Variants in SUGP1 observed in about 807,000 individuals in gnomAD.
SUGP1 encodes the protein SURP and G-patch domain-containing protein 1.
In SUGP1, 34 loss-of-function variants were observed where a neutral mutation model predicts 76.5. That is an observed-to-expected ratio of 0.44 (90% CI 0.34 to 0.59). The LOEUF (loss-of-function observed/expected upper bound fraction) is 0.59, where lower values mean the gene tolerates loss of function less well. Among genes scored for constraint, SUGP1 ranks in the 20% least tolerant of loss-of-function variants. SUGP1 has a pLI of 0.01. For synonymous variants in SUGP1, 326 were observed against 326.2 expected (o/e 1.00, Z 0.01); for missense variants, 752 against 851.7 (o/e 0.88, Z 1.46).
Position 19,310,108 on chromosome 19 carries a change from T to C in SUGP1, c.299A>G (p.Gln100Arg), listed in dbSNP as rs2061343403. ...LQQFLKLQKA[Q>R]TSTDAPTSAP... ...AGGCCTACACTCACCTGTGCTGGTC[T>C]GTGCCTTCTGCAACTTCAGAAACTG... The change falls in exon 3 of 14, where the codon CAG (glutamine) becomes CGG (arginine). Residue 100 changes from glutamine (Q) to arginine (R), a missense_variant. By Grantham distance (43) the Gln-to-Arg change is conservative. This residue lies in a region of SUGP1 where 620 missense variants were observed against 617.3 expected (regional missense o/e 1.00). Coordinates refer to ENST00000247001, the MANE Select transcript of SUGP1 (RefSeq NM_172231.4). 6.2e-7 allele frequency: 1 copy of C among 1,613,156 alleles called. No homozygotes were observed. The highest frequency in any genetic ancestry group is 8.5e-7 in the Non-Finnish European group (1 of 1,179,428).
chr19:19,313,877 C>A (rs1475048911), intron 2 of SUGP1, among the ~76,000 whole-genome samples: 1 of 151,936 alleles, frequency 6.6e-6, no homozygotes, highest in African/African-American at 2.4e-5. Flanking sequence ...GAGACTTATG[C>A]CTGTAATCCT....
chr19:19,292,491 C>T (rs1487334731), intron 8 of SUGP1, among the ~76,000 whole-genome samples: 2 of 151,854 alleles, frequency 1.3e-5, no homozygotes, highest in Non-Finnish European at 2.9e-5. Context: ...CACTTGAGGC[C>T]AGGAGTTCAA....
chr19:19,298,008 C>T (rs988621219), intron 7 of SUGP1, among the ~76,000 whole-genome samples: 1 of 152,202 alleles, frequency 6.6e-6, no homozygotes, highest in Non-Finnish European at 1.5e-5. Flanking sequence ...GGGGTCTATG[C>T]CAAAAGGGAG....
intron 2 of SUGP1, among the ~76,000 whole-genome samples, chr19:19,311,984 C>CA (rs2061356426): frequency 2.0e-5 from 3 of 150,784 alleles, no homozygotes; most frequent in Admixed American, 6.6e-5. Context: ...TTTCTTAAAA[C>CA]AAAAAAAAGT....
intron 12 of SUGP1, 50 bp from the exon 13 acceptor site, chr19:19,277,126 C>CG (rs2061056835): frequency 1.3e-6 from 2 of 1,565,072 alleles, no homozygotes; most frequent in Non-Finnish European, 8.6e-7. Context: ...GAACTCTGGC[C>CG]GGGGGGCCGG....
At chr19:19,307,911 C>T (rs962349667) in intron 3 of SUGP1, among the ~76,000 whole-genome samples, 1 of 152,190 alleles carries the variant, frequency 6.6e-6, no homozygotes, top group African/African-American at 2.4e-5. Context: ...GAGGTCCACC[C>T]GCCTCGGCCT....
At chr19:19,312,422 C>G (rs1393801038) in intron 2 of SUGP1, among the ~76,000 whole-genome samples, 3 of 152,208 alleles carry the variant, frequency 2.0e-5, no homozygotes, top group Non-Finnish European at 4.4e-5. Context: ...CATCCTGCTC[C>G]AATCTCAAAT....
At chr19:19,298,563 T>A (rs370758033) in intron 7 of SUGP1, among the ~76,000 whole-genome samples, 2 of 152,186 alleles carry the variant, frequency 1.3e-5, no homozygotes, top group African/African-American at 4.8e-5. Flanking sequence ...TGAGCCTGTG[T>A]GTCTACGGCC....
chr19:19,280,665 C>T (rs1172529643), intron 8 of SUGP1: 5 of 218,658 alleles, frequency 2.3e-5, no homozygotes, highest in East Asian at 1.1e-4. Flanking sequence ...CATGCATGGG[C>T]GCACGCACAA....
At chr19:19,303,664 G>A (rs576005836) in intron 5 of SUGP1, 60 bp downstream of exon 5, 32 of 1,593,966 alleles carry the variant, frequency 2.0e-5, no homozygotes, top group South Asian at 3.3e-5. Context: ...AGCCCCACAC[G>A]TGCGACTGTG....
chr19:19,279,994 G>A (rs563580834), intron 9 of SUGP1, among the ~76,000 whole-genome samples, 191 bp downstream of exon 9: 1 of 152,342 alleles, frequency 6.6e-6, no homozygotes, highest in Admixed American at 6.5e-5. Context: ...AGGTGCAGTG[G>A]GGGGTGGCAT....
chr19:19,284,761 T>C (rs1348902404), intron 8 of SUGP1, among the ~76,000 whole-genome samples: 1 of 152,124 alleles, frequency 6.6e-6, no homozygotes, highest in Non-Finnish European at 1.5e-5. Context: ...TTTAAGAAGA[T>C]GTCAGGATAA....
rs780150598 is a variant in SUGP1, at chr19:19,314,988, C to T, written c.206+1434G>A. Among the ~76,000 whole-genome samples, 90 of 151,914 alleles carry T rather than the reference C, an allele frequency of 5.9e-4. 1 individual carries two copies. The highest frequency in any genetic ancestry group is 6.2e-4 in the South Asian group (3 of 4,812). On this transcript the variant is annotated intron_variant, in intron 2 of 13. Transcript: ENST00000247001. ...GGCAGAGGTTGTGGTGAGCTGAGAT[C>T]GTGCCACTGCACTCTAGCCTAGGCA... is the stretch of plus-strand genomic sequence containing the variant.
chr19:19,316,250 T>G, intron 2 of SUGP1, 172 bp downstream of exon 2: 2 of 791,884 alleles, frequency 2.5e-6, no homozygotes, highest in East Asian at 5.4e-5. Flanking sequence ...CACATACCCC[T>G]CATTTCTCTC....
At chr19:19,316,946 T>C (rs894892893) in intron 1 of SUGP1, among the ~76,000 whole-genome samples, 1 of 152,130 alleles carries the variant, frequency 6.6e-6, no homozygotes, top group Non-Finnish European at 1.5e-5. Context: ...GAGACCAGCC[T>C]GGCCAACGTG....
At chr19:19,320,083 C>T (rs1484317521) in intron 1 of SUGP1, among the ~76,000 whole-genome samples, 1 of 152,214 alleles carries the variant, frequency 6.6e-6, no homozygotes, top group Non-Finnish European at 1.5e-5. Flanking sequence ...GGAAAAGCAG[C>T]TTTTCCAGAA....
At chr19:19,310,023 T>C in intron 3 of SUGP1, 74 bp downstream of exon 3, 3 of 1,192,834 alleles carry the variant, frequency 2.5e-6, no homozygotes, top group Non-Finnish European at 3.7e-6. Flanking sequence ...GTGGGACCCA[T>C]CACTTCCCAT....
At chr19:19,279,021 T>C (rs1599843328) in intron 10 of SUGP1, among the ~76,000 whole-genome samples, 192 bp downstream of exon 10, 3 of 152,244 alleles carry the variant, frequency 2.0e-5, no homozygotes, top group African/African-American at 7.2e-5. Flanking sequence ...ACTGCTCCTT[T>C]TCACCACGGA....
chr19:19,306,962 C>A (rs2061322374), intron 3 of SUGP1, among the ~76,000 whole-genome samples: 2 of 152,174 alleles, frequency 1.3e-5, no homozygotes, highest in African/African-American at 2.4e-5. Context: ...GGAGCAGCAT[C>A]ATGAAATTGG....
Sources: allele counts gnomAD v4.1 joint callset (sites outside exome capture counted in the v4.1 genomes callset), GRCh38; gene constraint gnomAD v4.1.1; regional missense constraint gnomAD v4.1.1; transcripts MANE v1.5; gene names NCBI Gene and HGNC (gene_info 2026-07-23, HGNC 2026-07-21).